Variants in LMLN observed in about 807,000 individuals in gnomAD.
The protein encoded by LMLN is leishmanolysin-like peptidase.
Under a neutral mutation model 92.3 loss-of-function variants are expected in LMLN, and 70 were observed. The ratio of observed to expected loss-of-function variants is 0.76; its 90% CI spans 0.63 to 0.92. The LOEUF is 0.92. Ranked by LOEUF, LMLN falls within the 40% of genes least tolerant of loss-of-function variation. LMLN has a pLI of 0.00. For synonymous variants in LMLN, 308 were observed against 296.2 expected, an observed-to-expected ratio of 1.04 and a Z score of -0.41; for missense variants, 691 against 814.6, an observed-to-expected ratio of 0.85 and a Z score of 1.85.
At chr3:197,978,286 G>T (rs79644809) in intron 5 of LMLN, among the ~76,000 whole-genome samples, 231 of 152,308 alleles carry the variant, frequency 1.5e-3, no homozygotes, top group African/African-American at 5.1e-3. Context: ...AAGTTATGGA[G>T]ATTTTTGTGA....
intron 9 of LMLN, chr3:197,994,588 C>CA (rs1721965877): frequency 6.6e-6 from 1 of 151,870 alleles, no homozygotes; most frequent in African/African-American, 2.4e-5. Context: ...TGACTGTTAG[C>CA]AAAAAGACAA....
intron 14 of LMLN, among the ~76,000 whole-genome samples, chr3:198,029,728 T>A (rs1723027441): frequency 6.6e-6 from 1 of 152,184 alleles, no homozygotes; most frequent in Non-Finnish European, 1.5e-5. Flanking sequence ...TGTTATTACT[T>A]CCCTAATGTT....
intron 11 of LMLN, 28 bp downstream of exon 12, chr3:198,003,153 C>A: frequency 8.0e-7 from 1 of 1,254,400 alleles, no homozygotes; most frequent in Non-Finnish European, 1.1e-6. Flanking sequence ...CACAGTGTCA[C>A]TGATTACACA....
At chr3:197,969,715 AG>A (rs1721169971) in intron 1 of LMLN, among the ~76,000 whole-genome samples, 1 of 152,238 alleles carries the variant, frequency 6.6e-6, no homozygotes, top group Non-Finnish European at 1.5e-5. Context: ...CAATATATGT[AG>A]TGTACTTATG....
At chr3:197,964,662 G>T (rs952086031) in intron 1 of LMLN, among the ~76,000 whole-genome samples, 2 of 151,512 alleles carry the variant, frequency 1.3e-5, no homozygotes, top group Admixed American at 6.6e-5. Context: ...CTCCCAAAGT[G>T]CTGGGATTAC....
At chr3:198,018,740 A>G (rs934981884) in intron 11 of LMLN, among the ~76,000 whole-genome samples, 4 of 152,178 alleles carry the variant, frequency 2.6e-5, no homozygotes, top group Admixed American at 2.0e-4. Flanking sequence ...TAGGATTTCT[A>G]TTATTTAGGA....
intron 5 of LMLN, among the ~76,000 whole-genome samples, chr3:197,979,642 C>G (rs1560137137): frequency 6.6e-6 from 1 of 152,066 alleles, no homozygotes; most frequent in East Asian, 1.9e-4. Context: ...ATGGTGAAAC[C>G]CTGTCTCTAC....
intron 10 of LMLN, among the ~76,000 whole-genome samples, chr3:197,997,344 G>T (rs536091260): frequency 6.6e-6 from 1 of 152,216 alleles, no homozygotes; most frequent in South Asian, 2.1e-4. Context: ...ATGTTGCCCA[G>T]GCTGACCTCA....
intron 5 of LMLN, among the ~76,000 whole-genome samples, chr3:197,979,240 GT>G (rs565099913): frequency 7.2e-5 from 11 of 151,826 alleles, no homozygotes; most frequent in East Asian, 3.9e-4. Context: ...ATGAGAATTT[GT>G]TTTTTTTCCC....
chr3:197,963,510 T>G (rs1720966781), intron 1 of LMLN, among the ~76,000 whole-genome samples: 1 of 152,218 alleles, frequency 6.6e-6, no homozygotes, highest in South Asian at 2.1e-4. Flanking sequence ...ATGTTTTTTG[T>G]TAAATGTTTT....
chr3:198,037,244 T>C (rs1723258563), intron 15 of LMLN, among the ~76,000 whole-genome samples: 1 of 152,178 alleles, frequency 6.6e-6, no homozygotes, highest in Admixed American at 6.6e-5. Flanking sequence ...AGGAAACCAG[T>C]TCCCAGCCAC....
rs774110955 is a variant in LMLN, at chr3:197,974,415, C to A, written c.258C>A (p.Val86=). 4 of 1,598,028 alleles carry A rather than the reference C, an allele frequency of 2.5e-6. No homozygotes were observed. In the South Asian group the frequency reaches 4.5e-5, roughly 18 times the overall value. Reference sequence around the variant, plus strand: ...TTCATCTTAAGGCAAATCATGTGGTCAAGAGAGATGTTGATGAGCATTTAA... The same window carrying A: ...TTCATCTTAAGGCAAATCATGTGGTAAAGAGAGATGTTGATGAGCATTTAA... Residue 86 remains valine, a synonymous_variant, in exon 2 of 16, where the codon GTC becomes GTA. Transcript: ENST00000330198.
At chr3:197,986,926 G>A (rs1396951726) in intron 8 of LMLN, among the ~76,000 whole-genome samples, 4 of 146,096 alleles carry the variant, frequency 2.7e-5, no homozygotes, top group African/African-American at 7.7e-5. Context: ...TGCAAGCTCC[G>A]CCTCCAGGGT....
intron 14 of LMLN, among the ~76,000 whole-genome samples, chr3:198,030,329 G>A (rs752758525): frequency 2.6e-5 from 4 of 152,076 alleles, no homozygotes; most frequent in Non-Finnish European, 4.4e-5. Flanking sequence ...GGATAAATAC[G>A]TATTCACTGT....
At chr3:198,013,599 T>G in intron 11 of LMLN, among the ~76,000 whole-genome samples, 1 of 127,454 alleles carries the variant, frequency 7.8e-6, no homozygotes, top group Non-Finnish European at 1.6e-5. Flanking sequence ...TTAACTAGTC[T>G]GACTTCTCTG....
intron 14 of LMLN, among the ~76,000 whole-genome samples, chr3:198,035,431 C>T (rs371236156): frequency 7.0e-6 from 1 of 142,612 alleles, no homozygotes; most frequent in Non-Finnish European, 1.5e-5. Flanking sequence ...GGCATGATCT[C>T]GGCTCACTGC....
chr3:197,970,529 A>C (rs539842398), intron 1 of LMLN, among the ~76,000 whole-genome samples: 25 of 152,348 alleles, frequency 1.6e-4, no homozygotes, highest in Non-Finnish European at 3.4e-4. Flanking sequence ...CAGCGTGCAC[A>C]AAGTGTGGTC....
intron 11 of LMLN, among the ~76,000 whole-genome samples, chr3:198,015,609 C>T (rs1249813645): frequency 7.2e-6 from 1 of 138,758 alleles, no homozygotes; most frequent in East Asian, 2.2e-4. Context: ...GACTTCTCTC[C>T]ACCCTTCAGA....
rs116863559 is a variant in LMLN, at chr3:198,031,724, C to G, written c.1657-4109C>G. 6.6e-6 allele frequency among the ~76,000 whole-genome samples: 1 copy of G among 152,200 alleles called. No individual in the cohort carries two copies. Among genetic ancestry groups the G allele is most frequent in the East Asian group, 1.9e-4 (1 of 5,184 alleles). On this transcript the variant is annotated intron_variant, in intron 14 of 15. Transcript: ENST00000330198. This position sits in a 1 kb window ranked among gnomAD's most constrained non-coding sequence, Gnocchi z 4.8. ...TTAATTTTAACTTCGCATACCACATCCTCATCTGCCACAAGCCCCAGTATT... is the reference window on the plus strand; with the variant it reads ...TTAATTTTAACTTCGCATACCACATGCTCATCTGCCACAAGCCCCAGTATT...
Sources: allele counts gnomAD v4.1 joint callset (sites outside exome capture counted in the v4.1 genomes callset), GRCh38; gene constraint gnomAD v4.1.1; non-coding constraint Gnocchi (gnomAD v3.1); transcripts MANE v1.5; gene names NCBI Gene and HGNC (gene_info 2026-07-23, HGNC 2026-07-21).